Variants in SLC24A2 observed in about 807,000 individuals in gnomAD.
SLC24A2 encodes solute carrier family 24 member 2.
In SLC24A2, 36 loss-of-function variants were observed where a neutral mutation model predicts 62.0. That is an observed-to-expected ratio of 0.58 (90% confidence interval 0.44 to 0.77). The LOEUF (loss-of-function observed/expected upper bound fraction) is 0.77. Ranked by LOEUF, SLC24A2 falls within the 30% of genes least tolerant of loss-of-function variation. SLC24A2 has a pLI of 0.00. For synonymous variants in SLC24A2, 358 were observed against 294.0 expected (o/e 1.22, Z -2.23); for missense variants, 846 against 817.9 (o/e 1.03, Z -0.42).
At chr9:20,117,670 A>G in the SLC24A2 span, among the ~76,000 whole-genome samples, 1 of 152,160 alleles carries the variant, frequency 6.6e-6, no homozygotes, top group Non-Finnish European at 1.5e-5. Context: ...TAGCTTGTAC[A>G]AGGTCATATA....
At chr9:20,204,239 T>C in the SLC24A2 span, among the ~76,000 whole-genome samples, 1 of 152,244 alleles carries the variant, frequency 6.6e-6, no homozygotes, top group Non-Finnish European at 1.5e-5. Flanking sequence ...AATTGCTGAA[T>C]GCCTGCTGGA....
the SLC24A2 span, among the ~76,000 whole-genome samples, chr9:20,072,226 C>T: frequency 3.3e-5 from 5 of 152,122 alleles, no homozygotes; most frequent in East Asian, 1.9e-4. Context: ...AACCCAGCAA[C>T]GCCTATCTGT....
chr9:19,948,147 A>C, the SLC24A2 span, among the ~76,000 whole-genome samples: 1 of 152,294 alleles, frequency 6.6e-6, no homozygotes, highest in African/African-American at 2.4e-5. Flanking sequence ...TATAACCTGC[A>C]CAAGTGACTG....
chr9:19,756,226 G>A (rs574156761), intron 2 of SLC24A2, among the ~76,000 whole-genome samples: 1 of 152,198 alleles, frequency 6.6e-6, no homozygotes, highest in South Asian at 2.1e-4. Context: ...TGCCCAGCCA[G>A]GCACATACAT....
the SLC24A2 span, among the ~76,000 whole-genome samples, chr9:20,054,653 G>C: frequency 1.3e-5 from 2 of 152,058 alleles, no homozygotes; most frequent in African/African-American, 2.4e-5. Flanking sequence ...TCATAGCTTA[G>C]ATCCCTCAGT....
chr9:19,842,836 G>C, the SLC24A2 span, among the ~76,000 whole-genome samples: 1,194 of 152,248 alleles, frequency 7.8e-3, 22 homozygotes, highest in African/African-American at 0.028. Context: ...ACACAGCTCA[G>C]ATCACTAAGC....
chr9:19,623,192 A>T (rs1486069154), intron 2 of SLC24A2, among the ~76,000 whole-genome samples: 1 of 152,134 alleles, frequency 6.6e-6, no homozygotes, highest in African/African-American at 2.4e-5. Flanking sequence ...TTCCAACGAG[A>T]TACAGGTGCC....
chr9:19,829,763 ATATG>A, the SLC24A2 span, among the ~76,000 whole-genome samples: 4,264 of 75,678 alleles, frequency 0.056, 63 homozygotes, highest in Middle Eastern at 0.12. Flanking sequence ...TTTTATATAT[ATATG>A]TGTGTGTGTG....
the SLC24A2 span, among the ~76,000 whole-genome samples, chr9:19,991,338 G>T: frequency 2.6e-5 from 4 of 152,056 alleles, no homozygotes; most frequent in Admixed American, 2.6e-4. Flanking sequence ...AAAGACAAAG[G>T]CCAGAAGACT....
intron 2 of SLC24A2, among the ~76,000 whole-genome samples, chr9:19,639,211 T>A (rs574415902): frequency 6.6e-6 from 1 of 152,300 alleles, no homozygotes; most frequent in Admixed American, 6.5e-5. Context: ...TATAGGTAAT[T>A]GAGTGGATTT....
At chr9:20,298,414 A>G in the SLC24A2 span, among the ~76,000 whole-genome samples, 1 of 152,034 alleles carries the variant, frequency 6.6e-6, no homozygotes, top group Non-Finnish European at 1.5e-5. Context: ...TTTTTAGTAG[A>G]GACGGGGTTT....
the SLC24A2 span, among the ~76,000 whole-genome samples, chr9:19,882,298 G>A: frequency 3.3e-5 from 5 of 152,088 alleles, no homozygotes; most frequent in Non-Finnish European, 5.9e-5. Flanking sequence ...CATGAATAAA[G>A]GTATCATACT....
intron 5 of SLC24A2, among the ~76,000 whole-genome samples, chr9:19,592,483 TACCTACCTACCC>T (rs71509905): frequency 0.68 from 95,671 of 141,582 alleles, 31,413 homozygotes; most frequent in Non-Finnish European, 0.71. Context: ...CCGACCTACC[TACCTACCTACCC>T]ACCTACCTAC....
At chr9:20,161,526 AT>A in the SLC24A2 span, among the ~76,000 whole-genome samples, 1 of 151,406 alleles carries the variant, frequency 6.6e-6, no homozygotes, top group African/African-American at 2.4e-5. Context: ...AAAATATATC[AT>A]TATCAAGTGA....
chr9:19,909,466 A>T, the SLC24A2 span, among the ~76,000 whole-genome samples: 1 of 152,164 alleles, frequency 6.6e-6, no homozygotes, highest in Admixed American at 6.5e-5. Context: ...ATGTACCCTA[A>T]AACTTAAAGT....
intron 2 of SLC24A2, among the ~76,000 whole-genome samples, chr9:19,765,957 C>A (rs2118872795): frequency 6.6e-6 from 1 of 152,230 alleles, no homozygotes. Flanking sequence ...TTGTTTTTTT[C>A]ACATAGTCCC....
chr9:20,111,915 T>C, the SLC24A2 span, among the ~76,000 whole-genome samples: 7 of 152,202 alleles, frequency 4.6e-5, no homozygotes, highest in African/African-American at 9.6e-5. Flanking sequence ...TAAAGATTTG[T>C]TGATTTTCAT....
At chr9:19,911,806 G>T in the SLC24A2 span, among the ~76,000 whole-genome samples, 1 of 152,038 alleles carries the variant, frequency 6.6e-6, no homozygotes, top group Non-Finnish European at 1.5e-5. Context: ...ATGCACCATC[G>T]CTATCACTTG....
chr9:19,960,318 T>G, the SLC24A2 span, among the ~76,000 whole-genome samples: 1 of 152,220 alleles, frequency 6.6e-6, no homozygotes, highest in Non-Finnish European at 1.5e-5. Flanking sequence ...TTTACTTTTC[T>G]TTCCTTCCCT....
Sources: gnomAD v4.1 joint callset for allele counts (sites outside exome capture counted in the v4.1 genomes callset) on GRCh38, gnomAD v4.1.1 for gene constraint, MANE v1.5 for transcripts, NCBI Gene and HGNC (gene_info 2026-07-23, HGNC 2026-07-21) for gene names.